The following CYP7B1 variants were observed in gnomAD, a reference collection of about 807,000 sequenced individuals.
The protein encoded by CYP7B1 is cytochrome P450 7B1.
A neutral mutation model predicts 42.7 loss-of-function variants in CYP7B1; 29 were observed. That is an observed-to-expected ratio of 0.68 (90% CI 0.51 to 0.93). CYP7B1 has a LOEUF of 0.93. Among genes scored for constraint, CYP7B1 ranks in the 40% least tolerant of loss-of-function variants. The pLI, the probability that CYP7B1 is intolerant of heterozygous loss-of-function variation, is 0.00. For missense variants in CYP7B1, 655 were observed against 600.5 expected, an observed-to-expected ratio of 1.09 and a Z score of -0.95; for synonymous variants, 235 against 218.2, an observed-to-expected ratio of 1.08 and a Z score of -0.68.
At chr8:64,661,282 G>A (rs1161846478) in intron 1 of CYP7B1, among the ~76,000 whole-genome samples, 1 of 152,156 alleles carries the variant, frequency 6.6e-6, no homozygotes, top group Non-Finnish European at 1.5e-5. Flanking sequence ...AGGTTTCTTC[G>A]AGTTGAAAGT....
intron 1 of CYP7B1, among the ~76,000 whole-genome samples, chr8:64,745,863 A>G (rs1350987728): frequency 2.0e-5 from 3 of 152,184 alleles, no homozygotes; most frequent in African/African-American, 4.8e-5. Flanking sequence ...AATTGCTTAG[A>G]AACAATGGGC....
chr8:64,718,575 C>T (rs910915095), intron 1 of CYP7B1, among the ~76,000 whole-genome samples: 13 of 152,232 alleles, frequency 8.5e-5, no homozygotes, highest in Non-Finnish European at 1.2e-4. Flanking sequence ...CCTTCTGGGG[C>T]ATACATGGGC....
intron 1 of CYP7B1, among the ~76,000 whole-genome samples, chr8:64,656,399 T>C (rs1806121175): frequency 6.6e-6 from 1 of 152,196 alleles, no homozygotes; most frequent in Non-Finnish European, 1.5e-5. Context: ...TGAAGCAAAC[T>C]GCAAGTGAGG....
chr8:64,742,887 T>G (rs567514562), intron 1 of CYP7B1, among the ~76,000 whole-genome samples: 2 of 152,372 alleles, frequency 1.3e-5, no homozygotes, highest in African/African-American at 4.8e-5. Flanking sequence ...CTTTGCATAC[T>G]TTATCATGTA....
chr8:64,779,866 T>A (rs77278028), intron 1 of CYP7B1, among the ~76,000 whole-genome samples: 3,020 of 152,280 alleles, frequency 0.02, 107 homozygotes, highest in African/African-American at 0.067. Flanking sequence ...TAAACAGCAC[T>A]ATCTACCTAT....
At chr8:64,688,987 C>T (rs528983944) in intron 1 of CYP7B1, among the ~76,000 whole-genome samples, 4 of 152,130 alleles carry the variant, frequency 2.6e-5, no homozygotes, top group Non-Finnish European at 4.4e-5. Flanking sequence ...AATTCTGAGG[C>T]GTCTGCCATT....
chr8:64,774,820 T>A (rs1194663017), intron 1 of CYP7B1, among the ~76,000 whole-genome samples: 3 of 152,130 alleles, frequency 2.0e-5, no homozygotes, highest in Non-Finnish European at 2.9e-5. Context: ...AATCAACTGT[T>A]TGCCTCCAAA....
chr8:64,770,996 T>A (rs1804212995), intron 1 of CYP7B1, among the ~76,000 whole-genome samples: 1 of 145,848 alleles, frequency 6.9e-6, no homozygotes, highest in Admixed American at 6.8e-5. Context: ...GAAAACAACT[T>A]CCTCAATCTT....
At chr8:64,786,427 C>A (rs889752448) in intron 1 of CYP7B1, among the ~76,000 whole-genome samples, 8 of 152,198 alleles carry the variant, frequency 5.3e-5, no homozygotes, top group African/African-American at 1.9e-4. Context: ...GAGCTATGGG[C>A]CCCATGCAAG....
intron 1 of CYP7B1, among the ~76,000 whole-genome samples, chr8:64,760,275 GA>G (rs1272376603): frequency 3.3e-5 from 5 of 152,038 alleles, no homozygotes; most frequent in African/African-American, 1.2e-4. Context: ...CATAAGGCCT[GA>G]AAAGCTCCTT....
At chr8:64,589,044 GTAA>G (rs1805002952), downstream of CYP7B1, among the ~76,000 whole-genome samples, 1 of 152,168 alleles carries the variant, frequency 6.6e-6, no homozygotes, top group South Asian at 2.1e-4. Context: ...AGTAAAATCT[GTAA>G]TTATTCAACA....
chr8:64,644,992 T>C (rs1563375236), intron 1 of CYP7B1, among the ~76,000 whole-genome samples: 1 of 149,562 alleles, frequency 6.7e-6, no homozygotes, highest in Non-Finnish European at 1.5e-5. Context: ...TTCCCACCTA[T>C]GAGTGAGAAC....
chr8:64,770,739 A>T (rs1488528157), intron 1 of CYP7B1, among the ~76,000 whole-genome samples: 8 of 152,224 alleles, frequency 5.3e-5, no homozygotes, highest in Admixed American at 4.6e-4. Context: ...ATGAACCCAC[A>T]GTCCATGTGC....
chr8:64,659,648 T>C (rs1806172152), intron 1 of CYP7B1, among the ~76,000 whole-genome samples: 1 of 152,224 alleles, frequency 6.6e-6, no homozygotes, highest in Admixed American at 6.5e-5. Flanking sequence ...ATTTTTGATA[T>C]AAAACATTAG....
chr8:64,726,201 C>A (rs1270480690), intron 1 of CYP7B1, among the ~76,000 whole-genome samples: 3 of 152,070 alleles, frequency 2.0e-5, no homozygotes, highest in Non-Finnish European at 2.9e-5. Context: ...TCAATTGTTT[C>A]TTTTATTCCC....
chr8:64,691,731 G>T (rs1204400447), intron 1 of CYP7B1, among the ~76,000 whole-genome samples: 2 of 152,164 alleles, frequency 1.3e-5, no homozygotes, highest in Non-Finnish European at 2.9e-5. Flanking sequence ...GAGCACTGAG[G>T]CTGGACAGGC....
chr8:64,760,768 A>G (rs954918541), intron 1 of CYP7B1, among the ~76,000 whole-genome samples: 1 of 152,120 alleles, frequency 6.6e-6, no homozygotes. Flanking sequence ...AAATTGGTAT[A>G]CCCATTACGT....
chr8:64,773,719 G>A (rs892537780), intron 1 of CYP7B1, among the ~76,000 whole-genome samples: 4 of 152,164 alleles, frequency 2.6e-5, no homozygotes, highest in African/African-American at 9.7e-5. Flanking sequence ...TGGAGGCTGA[G>A]AATTCTATCA....
Position 64,592,376 on chromosome 8 carries a change from T to C in CYP7B1, c.*4266A>G, listed in dbSNP as rs1319719233. On this transcript the variant is annotated 3_prime_UTR_variant, in exon 6 of 6. Coordinates refer to ENST00000310193, the MANE Select transcript of CYP7B1 (RefSeq NM_004820.5). ...TTTGGAATGACTGATGGAAGGCTAG[T>C]TAGAACTAGTGATAAATCAGAATTT... 6.6e-6 allele frequency among the ~76,000 whole-genome samples: 1 copy of C among 152,236 alleles called. No individual in the cohort carries two copies. The highest frequency in any genetic ancestry group is 1.5e-5 in the Non-Finnish European group (1 of 68,040).
Sources: allele counts gnomAD v4.1 joint callset (sites outside exome capture counted in the v4.1 genomes callset), GRCh38; gene constraint gnomAD v4.1.1; transcripts MANE v1.5; gene names NCBI Gene and HGNC (gene_info 2026-07-23, HGNC 2026-07-21).